DIPK1A: variants seen among roughly 807,000 people sequenced by gnomAD.
DIPK1A encodes the protein divergent protein kinase domain 1A.
In DIPK1A, 27 loss-of-function variants were observed where a neutral mutation model predicts 40.8. That is an observed-to-expected ratio of 0.66 (90% CI 0.49 to 0.91). The LOEUF (loss-of-function observed/expected upper bound fraction) is 0.91. DIPK1A is among the 40% of genes least tolerant of loss of function. DIPK1A has a pLI of 0.00. For synonymous variants in DIPK1A, 166 were observed against 171.3 expected, an observed-to-expected ratio of 0.97 and a Z score of 0.24; for missense variants, 412 against 505.7, an observed-to-expected ratio of 0.81 and a Z score of 1.78.
intron 1 of DIPK1A, among the ~76,000 whole-genome samples, chr1:92,938,174 A>G (rs539441245): frequency 1.3e-5 from 2 of 152,232 alleles, no homozygotes; most frequent in African/African-American, 2.4e-5. Flanking sequence ...CAGGAGGCTG[A>G]GCCAGAAGAA....
intron 1 of DIPK1A, among the ~76,000 whole-genome samples, chr1:92,884,281 TACAAAAA>T (rs1219635351): frequency 2.0e-5 from 3 of 151,968 alleles, no homozygotes; most frequent in Admixed American, 2.0e-4. Context: ...ACCCCATCTC[TACAAAAA>T]ATAAAAAATA....
chr1:92,836,422 T>C lies in DIPK1A; in HGVS notation c.475-3388A>G, dbSNP rs746664347. 3 of 1,590,746 alleles carry C rather than the reference T, an allele frequency of 1.9e-6. No individual in the cohort carries two copies. The Admixed American group carries it at 5.0e-5, about 27-fold the overall frequency. ...GAATACTATTTAAGACCTTGGTGCC[T>C]GGACCGTGGTACTTCCCTGTTTTTA... On this transcript the variant is annotated intron_variant, in intron 4 of 4. Transcript: ENST00000615519.
intron 2 of DIPK1A, among the ~76,000 whole-genome samples, chr1:92,869,016 C>T (rs1647702642): frequency 6.7e-6 from 1 of 150,238 alleles, no homozygotes; most frequent in African/African-American, 2.4e-5. Flanking sequence ...CACAATATCC[C>T]TAGCACCTAG....
intron 2 of DIPK1A, among the ~76,000 whole-genome samples, chr1:92,858,702 A>G (rs1270315757): frequency 6.6e-6 from 1 of 152,180 alleles, no homozygotes; most frequent in Non-Finnish European, 1.5e-5. Flanking sequence ...CCAACCCTTC[A>G]TCAAAGAGGC....
At chr1:92,840,347 G>A, downstream of DIPK1A, 1 of 533,198 alleles carries the variant, frequency 1.9e-6, no homozygotes, top group Non-Finnish European at 3.4e-6. Flanking sequence ...GTTCTGTAGT[G>A]ATAATTCACA....
At chr1:92,925,040 T>A (rs1650434937) in intron 1 of DIPK1A, among the ~76,000 whole-genome samples, 1 of 152,228 alleles carries the variant, frequency 6.6e-6, no homozygotes, top group African/African-American at 2.4e-5. Flanking sequence ...GTCAAATGCT[T>A]TTTCTGTGTC....
intron 1 of DIPK1A, among the ~76,000 whole-genome samples, chr1:92,953,548 T>C (rs550090791): frequency 6.6e-6 from 1 of 152,198 alleles, no homozygotes; most frequent in Non-Finnish European, 1.5e-5. Context: ...ATGTGGAATA[T>C]ACATACAATG....
intron 1 of DIPK1A, among the ~76,000 whole-genome samples, chr1:92,947,309 AG>A (rs1211334024): frequency 6.6e-6 from 1 of 152,240 alleles, no homozygotes; most frequent in South Asian, 2.1e-4. Context: ...TGATCTGAAC[AG>A]ACATTTCTCA....
chr1:92,939,081 T>G (rs1485704274), intron 1 of DIPK1A, among the ~76,000 whole-genome samples: 1 of 152,116 alleles, frequency 6.6e-6, no homozygotes, highest in East Asian at 1.9e-4. Context: ...TTCGTATTTT[T>G]AGCAGAGACG....
At chr1:92,848,159 A>G (rs955849785) in intron 3 of DIPK1A, among the ~76,000 whole-genome samples, 3 of 152,242 alleles carry the variant, frequency 2.0e-5, no homozygotes, top group Non-Finnish European at 2.9e-5. Context: ...TGCTGAAAAG[A>G]GCTGAGGTCT....
chr1:92,944,107 G>A (rs1346581311), intron 1 of DIPK1A, among the ~76,000 whole-genome samples: 2 of 151,976 alleles, frequency 1.3e-5, no homozygotes, highest in African/African-American at 4.8e-5. Context: ...TTAAAAAGTG[G>A]TTAGAAAAGG....
Position 92,843,118 on chromosome 1 carries a change from G to A in DIPK1A, c.*265C>T, listed in dbSNP as rs1571043259. The A allele has an allele frequency of 3.5e-6, 4 of 1,135,374 alleles. No homozygotes were observed. In the East Asian group the frequency reaches 2.1e-4, roughly 60 times the overall value. The allele number at this position is 1,135,374 out of a possible 1,614,324, so 70.3% of individuals were successfully genotyped here. Reference sequence around the variant, plus strand: ...ATGGAATGAAGCTTTTCACAGCATTGGTTTTTAAAGTCAGTCAAAATAGTT... The same window carrying A: ...ATGGAATGAAGCTTTTCACAGCATTAGTTTTTAAAGTCAGTCAAAATAGTT... On this transcript the variant is annotated 3_prime_UTR_variant, in exon 5 of 5. Transcript: ENST00000370310.
intron 1 of DIPK1A, among the ~76,000 whole-genome samples, chr1:92,935,852 G>A (rs1305462372): frequency 6.6e-6 from 1 of 152,086 alleles, no homozygotes; most frequent in African/African-American, 2.4e-5. Context: ...GAAGGCTGAG[G>A]CGGGAGGATC....
chr1:92,834,724 TGTA>T, intron 4 of DIPK1A: 1 of 1,604,522 alleles, frequency 6.2e-7, no homozygotes, highest in Non-Finnish European at 8.5e-7. Context: ...ATAATTAAGA[TGTA>T]GTAAGACAGT....
intron 1 of DIPK1A, among the ~76,000 whole-genome samples, chr1:92,882,767 GA>G (rs566143243): frequency 2.6e-5 from 4 of 151,808 alleles, no homozygotes; most frequent in East Asian, 1.9e-4. Flanking sequence ...CTTCTGTAAG[GA>G]AAAAAAATCC....
chr1:92,837,728 G>A (rs549274227), downstream of DIPK1A: 1 of 978,718 alleles, frequency 1.0e-6, no homozygotes, highest in South Asian at 1.4e-5. Context: ...ATATAGGTGT[G>A]TTTCTTGACA....
chr1:92,939,192 A>G (rs1486667742), intron 1 of DIPK1A, among the ~76,000 whole-genome samples: 1 of 152,146 alleles, frequency 6.6e-6, no homozygotes, highest in African/African-American at 2.4e-5. Context: ...GTGAGTCACC[A>G]CGCCTGGCCT....
rs1484146668 is a variant in DIPK1A at position 92,842,430 on chromosome 1, T to C, written c.*953A>G. On this transcript the variant is annotated 3_prime_UTR_variant, in exon 5 of 5. Transcript: ENST00000370310. Reference sequence around the variant, plus strand: ...AATCTGAGTATACGTGTGAAAATAATATGAAAGAGGAGCAAATACTAAACC... The same window carrying C: ...AATCTGAGTATACGTGTGAAAATAACATGAAAGAGGAGCAAATACTAAACC... The C allele has an allele frequency of 1.0e-6, 1 of 980,208 alleles. No homozygotes were observed. The highest frequency in any genetic ancestry group is 1.8e-5 in the African/African-American group (1 of 57,066). 60.7% of individuals were successfully genotyped at this position (980,208 alleles called of 1,614,324 possible). A position where few individuals can be genotyped will look rare whatever the true frequency, so the allele number is the denominator to read the frequency against.
At chr1:92,950,954 T>C (rs536972031) in intron 1 of DIPK1A, among the ~76,000 whole-genome samples, 43 of 152,340 alleles carry the variant, frequency 2.8e-4, no homozygotes, top group African/African-American at 9.4e-4. Context: ...TTTTTTTTAC[T>C]ATTAGAATTC....
Sources: allele counts gnomAD v4.1 joint callset (sites outside exome capture counted in the v4.1 genomes callset), GRCh38; gene constraint gnomAD v4.1.1; transcripts MANE v1.5; gene names NCBI Gene and HGNC (gene_info 2026-07-23, HGNC 2026-07-21).